The following MBNL2 variants were observed in gnomAD, a reference collection of about 807,000 sequenced individuals.
MBNL2 encodes the protein muscleblind like splicing regulator 2.
In MBNL2, 17 loss-of-function variants were observed where a neutral mutation model predicts 41.9. The observed-to-expected ratio is 0.41, with a 90% CI of 0.28 to 0.61. The LOEUF is 0.61. Ranked by LOEUF, MBNL2 falls within the 20% of genes least tolerant of loss-of-function variation. The probability of loss-of-function intolerance (pLI) is 0.35; values close to 1 mark genes in which losing one functional copy is unlikely to be tolerated. For missense variants in MBNL2, 336 were observed against 505.6 expected (o/e 0.66, Z 3.22); for synonymous variants, 195 against 182.9 (o/e 1.07, Z -0.53).
At chr13:97,295,691 T>A (rs1214101509) in intron 2 of MBNL2, among the ~76,000 whole-genome samples, 1 of 152,168 alleles carries the variant, frequency 6.6e-6, no homozygotes, top group African/African-American at 2.4e-5. Flanking sequence ...ATGCAGGAGA[T>A]GACAGGATAG....
At chr13:97,362,502 GA>G (rs2063492338) in intron 7 of MBNL2, among the ~76,000 whole-genome samples, 2 of 152,142 alleles carry the variant, frequency 1.3e-5, no homozygotes, top group African/African-American at 2.4e-5. Flanking sequence ...CAGCTTGTGG[GA>G]AGTTCAAAAA....
chr13:97,227,193 G>C (rs1351178114), intron 1 of MBNL2, among the ~76,000 whole-genome samples: 1 of 152,148 alleles, frequency 6.6e-6, no homozygotes, highest in African/African-American at 2.4e-5. Context: ...GACGCAGCCT[G>C]GGGGAGAGCT....
intron 5 of MBNL2, among the ~76,000 whole-genome samples, chr13:97,355,265 G>A (rs558640317): frequency 6.6e-6 from 1 of 152,098 alleles, no homozygotes; most frequent in South Asian, 2.1e-4. Flanking sequence ...TCTGCCTGTA[G>A]TCCTTTCTAC....
intron 1 of MBNL2, among the ~76,000 whole-genome samples, chr13:97,241,526 C>T (rs2044276123): frequency 6.6e-6 from 1 of 152,324 alleles, no homozygotes; most frequent in South Asian, 2.1e-4. Context: ...TCTTCAAATC[C>T]ATTGTGAATC....
intron 8 of MBNL2, among the ~76,000 whole-genome samples, chr13:97,368,749 T>G (rs927760104): frequency 7.2e-5 from 11 of 151,844 alleles, no homozygotes; most frequent in Non-Finnish European, 1.3e-4. Context: ...TATGTGTGTG[T>G]GTAGGGAGGC....
At chr13:97,383,545 A>T (rs1212592742) in intron 8 of MBNL2, among the ~76,000 whole-genome samples, 3 of 152,236 alleles carry the variant, frequency 2.0e-5, no homozygotes, top group Non-Finnish European at 4.4e-5. Context: ...GTCATCCACA[A>T]AAAGTATCAT....
intron 2 of MBNL2, among the ~76,000 whole-genome samples, chr13:97,297,729 G>T (rs1383717349): frequency 6.6e-6 from 1 of 152,210 alleles, no homozygotes; most frequent in African/African-American, 2.4e-5. Context: ...TTGAGGAAGA[G>T]TTGATGAAGG....
the MBNL2 span, among the ~76,000 whole-genome samples, chr13:97,213,251 G>A: frequency 6.6e-6 from 1 of 152,156 alleles, no homozygotes; most frequent in Non-Finnish European, 1.5e-5. Flanking sequence ...AAGAGAGTGA[G>A]GGAAGTTCTG....
At chr13:97,149,863 C>CTTAGGCAGA in the MBNL2 span, among the ~76,000 whole-genome samples, 1 of 152,174 alleles carries the variant, frequency 6.6e-6, no homozygotes, top group Admixed American at 6.5e-5. Flanking sequence ...GCAGATGCCT[C>CTTAGGCAGA]TCCCTCCTCT....
intron 8 of MBNL2, among the ~76,000 whole-genome samples, chr13:97,381,062 C>CCT (rs200879470): frequency 6.6e-6 from 1 of 151,470 alleles, no homozygotes; most frequent in Non-Finnish European, 1.5e-5. Flanking sequence ...TTTTTGTTAA[C>CCT]CTCTCTCTCT....
At chr13:97,151,325 T>G in the MBNL2 span, among the ~76,000 whole-genome samples, 1 of 152,108 alleles carries the variant, frequency 6.6e-6, no homozygotes, top group Non-Finnish European at 1.5e-5. Context: ...CCTCTCTCAC[T>G]CTATACAACC....
chr13:97,361,465 C>T (rs150964485), intron 7 of MBNL2, among the ~76,000 whole-genome samples: 1 of 152,066 alleles, frequency 6.6e-6, no homozygotes, highest in African/African-American at 2.4e-5. Context: ...AGATCAGGAC[C>T]AGAATCTGGC....
intron 2 of MBNL2, among the ~76,000 whole-genome samples, chr13:97,288,719 C>T (rs2055173430): frequency 1.3e-5 from 2 of 152,188 alleles, no homozygotes; most frequent in African/African-American, 2.4e-5. Flanking sequence ...TCCTCTGGCT[C>T]AAAGATTATA....
chr13:97,202,147 G>A, the MBNL2 span, among the ~76,000 whole-genome samples: 71 of 152,292 alleles, frequency 4.7e-4, no homozygotes, highest in African/African-American at 1.6e-3. Context: ...GAAGCGATCT[G>A]ATATCTTGGA....
the MBNL2 span, among the ~76,000 whole-genome samples, chr13:97,199,808 T>G: frequency 1.3e-5 from 2 of 152,228 alleles, no homozygotes; most frequent in Admixed American, 6.5e-5. Flanking sequence ...TTTTCTTATC[T>G]TATAGGGTTG....
At chr13:97,332,152 A>T (rs2060487637) in intron 2 of MBNL2, among the ~76,000 whole-genome samples, 1 of 152,222 alleles carries the variant, frequency 6.6e-6, no homozygotes, top group Non-Finnish European at 1.5e-5. Flanking sequence ...CACCTTGAAT[A>T]CATGAGCCTT....
At chr13:97,328,405 G>A (rs188423937) in intron 2 of MBNL2, among the ~76,000 whole-genome samples, 353 of 152,242 alleles carry the variant, frequency 2.3e-3, no homozygotes, top group African/African-American at 7.4e-3. Context: ...TGAAGGCTGC[G>A]TCTAAAGCAC....
the MBNL2 span, among the ~76,000 whole-genome samples, chr13:97,159,498 T>C: frequency 2.0e-5 from 3 of 152,194 alleles, no homozygotes; most frequent in African/African-American, 4.8e-5. Flanking sequence ...GTCTCGATGG[T>C]CATTACATTT....
intron 2 of MBNL2, among the ~76,000 whole-genome samples, chr13:97,291,896 G>A (rs1460069948): frequency 0.036 from 144 of 4,050 alleles, no homozygotes; most frequent in East Asian, 0.2. Context: ...CTCCGTCTCC[G>A]TCTCAAAAAA....
Sources: allele counts gnomAD v4.1 joint callset (sites outside exome capture counted in the v4.1 genomes callset), GRCh38; gene constraint gnomAD v4.1.1; transcripts MANE v1.5; gene names NCBI Gene and HGNC (gene_info 2026-07-23, HGNC 2026-07-21).